GALK2: variants seen among roughly 807,000 people sequenced by gnomAD.
GALK2 encodes N-acetylgalactosamine kinase.
A neutral mutation model predicts 52.4 loss-of-function variants in GALK2; 36 were observed. That is an observed-to-expected ratio of 0.69 (90% confidence interval 0.53 to 0.91). The LOEUF (loss-of-function observed/expected upper bound fraction) is 0.91. Ranked by LOEUF, GALK2 falls within the 40% of genes least tolerant of loss-of-function variation. GALK2 has a pLI of 0.00. For missense variants in GALK2, 579 were observed against 559.1 expected (o/e 1.04, Z -0.36); for synonymous variants, 176 against 199.1 (o/e 0.88, Z 0.98).
chr15:49,230,256 C>T (rs958689681), intron 3 of GALK2, among the ~76,000 whole-genome samples: 1 of 152,138 alleles, frequency 6.6e-6, no homozygotes, highest in African/African-American at 2.4e-5. Flanking sequence ...GCAATGCCAT[C>T]ATGTGATTTC....
chr15:49,262,739 AATGC>A (rs1346490516), intron 5 of GALK2, among the ~76,000 whole-genome samples: 1 of 141,820 alleles, frequency 7.1e-6, no homozygotes, highest in Non-Finnish European at 1.5e-5. Flanking sequence ...CACTGCTTTG[AATGC>A]ATCCCAGAGA....
chr15:49,367,157 C>G lies in GALK2; in HGVS notation c.427-334C>G, dbSNP rs2045352386. 2.0e-5 allele frequency among the ~76,000 whole-genome samples: 3 copies of G among 152,110 alleles called. 1 individual carries two copies. The highest frequency in any genetic ancestry group is 7.2e-5 in the African/African-American group (3 of 41,418). ...CAAATGTTTGAAACCAGTCACTGAA[C>G]AGTAAAGTTGCAAAGATAGCCTTTT... is the stretch of plus-strand genomic sequence containing the variant. On this transcript the variant is annotated intron_variant, in intron 3 of 3. Transcript: ENST00000558399.
chr15:49,184,038 T>C (rs1450359467), intron 1 of GALK2, among the ~76,000 whole-genome samples: 1 of 152,182 alleles, frequency 6.6e-6, no homozygotes, highest in East Asian at 1.9e-4. Flanking sequence ...TCTGTCTGGA[T>C]GATCTGTCCA....
intron 3 of GALK2, among the ~76,000 whole-genome samples, chr15:49,348,203 C>T (rs1210204714): frequency 3.9e-5 from 6 of 152,136 alleles, no homozygotes; most frequent in Admixed American, 3.9e-4. Flanking sequence ...ACAGAGACAG[C>T]TCCAAGGGTT....
chr15:49,313,254 C>T (rs994848100), intron 8 of GALK2, among the ~76,000 whole-genome samples: 4 of 152,184 alleles, frequency 2.6e-5, no homozygotes, highest in African/African-American at 7.2e-5. Context: ...AATATAAAGA[C>T]ATTTGAGTCA....
chr15:49,206,076 G>T (rs2088254679), intron 2 of GALK2, among the ~76,000 whole-genome samples: 2 of 152,038 alleles, frequency 1.3e-5, no homozygotes, highest in Non-Finnish European at 2.9e-5. Context: ...TCTCTATTTT[G>T]TTCCATTGGT....
chr15:49,245,797 A>G (rs2091318639), intron 5 of GALK2, among the ~76,000 whole-genome samples: 1 of 152,182 alleles, frequency 6.6e-6, no homozygotes. Flanking sequence ...CTAATTTCCT[A>G]CAATGTTACA....
intron 3 of GALK2, among the ~76,000 whole-genome samples, chr15:49,224,238 T>G (rs2089996280): frequency 6.6e-6 from 1 of 152,248 alleles, no homozygotes. Context: ...GATTCTGATA[T>G]TAGACCTTTG....
At chr15:49,321,394 T>G (rs8038809) in intron 9 of GALK2, among the ~76,000 whole-genome samples, 5,453 of 152,222 alleles carry the variant, frequency 0.036, 349 homozygotes, top group African/African-American at 0.12. Flanking sequence ...TCGGAAGGCT[T>G]CTGGCTTTGA....
intron 3 of GALK2, chr15:49,365,760 A>G (rs1000757623): frequency 3.5e-6 from 3 of 858,330 alleles, no homozygotes; most frequent in African/African-American, 1.7e-5. Context: ...ACCTGTCTTC[A>G]TTTTGAAACA....
chr15:49,251,162 C>T (rs1231895234), intron 5 of GALK2, among the ~76,000 whole-genome samples: 1 of 152,150 alleles, frequency 6.6e-6, no homozygotes, highest in Non-Finnish European at 1.5e-5. Flanking sequence ...TCTCTCATGA[C>T]ATTGGATACA....
chr15:49,277,803 G>A (rs2032077177), intron 5 of GALK2, among the ~76,000 whole-genome samples: 1 of 151,566 alleles, frequency 6.6e-6, no homozygotes, highest in South Asian at 2.1e-4. Flanking sequence ...TCAAACAAAC[G>A]AACAAACAAA....
At chr15:49,318,786 G>A (rs1732035907) in intron 8 of GALK2, among the ~76,000 whole-genome samples, 1 of 152,122 alleles carries the variant, frequency 6.6e-6, no homozygotes, top group Non-Finnish European at 1.5e-5. Flanking sequence ...ATGGCTCTAG[G>A]GCCAGGCATC....
intron 3 of GALK2, among the ~76,000 whole-genome samples, chr15:49,220,246 A>G (rs1033610585): frequency 6.6e-6 from 1 of 151,236 alleles, no homozygotes; most frequent in African/African-American, 2.4e-5. Flanking sequence ...CTATTTGCCA[A>G]CCTCTTTTTA....
intron 3 of GALK2, among the ~76,000 whole-genome samples, chr15:49,360,424 T>G (rs888370328): frequency 6.6e-6 from 1 of 152,112 alleles, no homozygotes; most frequent in African/African-American, 2.4e-5. Flanking sequence ...ACGAGACCCA[T>G]ACAGACTACA....
At chr15:49,191,703 T>C (rs1340236981) in intron 1 of GALK2, among the ~76,000 whole-genome samples, 1 of 152,176 alleles carries the variant, frequency 6.6e-6, no homozygotes, top group Non-Finnish European at 1.5e-5. Flanking sequence ...GTTACTGTTT[T>C]CTCTTCTGTA....
intron 5 of GALK2, among the ~76,000 whole-genome samples, chr15:49,271,870 T>C (rs4775805): frequency 0.66 from 100,358 of 152,124 alleles, 33,705 homozygotes; most frequent in African/African-American, 0.74. Context: ...AAATGGATAA[T>C]GGCAAAGCCC....
intron 1 of GALK2, chr15:49,195,050 A>G (rs979104593): frequency 1.6e-5 from 7 of 450,162 alleles, no homozygotes; most frequent in Non-Finnish European, 3.1e-5. Context: ...AAACAGGGAT[A>G]TCTTTTCATT....
intron 3 of GALK2, among the ~76,000 whole-genome samples, chr15:49,222,793 C>T (rs904671999): frequency 3.9e-5 from 6 of 152,142 alleles, no homozygotes; most frequent in South Asian, 4.1e-4. Flanking sequence ...ATTCAGTTTG[C>T]GGCAATTTTG....
Sources: allele counts gnomAD v4.1 joint callset (sites outside exome capture counted in the v4.1 genomes callset), GRCh38; gene constraint gnomAD v4.1.1; transcripts MANE v1.5; gene names NCBI Gene and HGNC (gene_info 2026-07-23, HGNC 2026-07-21).